SNAPC4: variants seen among roughly 807,000 people sequenced by gnomAD.
The protein encoded by SNAPC4 is small nuclear RNA activating complex polypeptide 4, also known as snRNA-activating protein complex subunit 4.
A neutral mutation model predicts 151.3 loss-of-function variants in SNAPC4; 127 were observed. The ratio of observed to expected loss-of-function variants is 0.84; its 90% CI spans 0.73 to 0.97. The LOEUF is 0.97. Ranked by LOEUF, SNAPC4 falls within the 50% of genes least tolerant of loss-of-function variation. SNAPC4 has a pLI of 0.00. For synonymous variants in SNAPC4, 1,002 were observed against 824.4 expected, an observed-to-expected ratio of 1.22 and a Z score of -3.69; for missense variants, 2,186 against 1,935.0, an observed-to-expected ratio of 1.13 and a Z score of -2.43.
In SNAPC4 at chr9:136,392,671, A is replaced by C. The variant is rs1335114194; in HGVS notation, c.737+2T>G. ...TGGGCCCTCCCGGGAGGCCCCCCTC[A>C]CTTGATGTCCTGGATCTCCTTCTCG... On this transcript the variant is annotated splice_donor_variant, in intron 8 of 23. Transcript: ENST00000684778. LOFTEE classifies it high-confidence loss of function. The C allele has an allele frequency of 4.3e-6, 7 of 1,613,380 alleles. No homozygotes were observed. Among genetic ancestry groups the C allele is most frequent in the African/African-American group, 1.3e-5 (1 of 74,962 alleles).
At chr9:136,387,293 G>A (rs1485019083) in intron 13 of SNAPC4, among the ~76,000 whole-genome samples, 192 bp downstream of exon 13, 1 of 152,218 alleles carries the variant, frequency 6.6e-6, no homozygotes, top group Non-Finnish European at 1.5e-5. Context: ...GGAAAACACA[G>A]CTCAGCCGGG....
intron 3 of SNAPC4, among the ~76,000 whole-genome samples, chr9:136,396,220 C>T (rs893834585): frequency 6.6e-6 from 1 of 152,248 alleles, no homozygotes; most frequent in Admixed American, 6.5e-5. Flanking sequence ...AGGTGAGGTG[C>T]CCACAGGCTA....
Position 136,383,520 on chromosome 9 carries a change from G to A in SNAPC4, c.1649C>T (p.Ala550Val), listed in dbSNP as rs758759752. 1.4e-5 allele frequency: 23 copies of A among 1,590,028 alleles called. No homozygotes were observed. In the East Asian group the frequency reaches 3.0e-4, roughly 21 times the overall value. Reference sequence around the variant, plus strand: ...CGCTCTGTCACCCTCCCCGGCCTGCGCCTGCTCTGGCTCGTCCTCCTCGCT... The same window carrying A: ...CGCTCTGTCACCCTCCCCGGCCTGCACCTGCTCTGGCTCGTCCTCCTCGCT... ...SSSEEDEPEQAQAGEGDRALL... is the reference protein window; with the variant it reads ...SSSEEDEPEQVQAGEGDRALL... Residue 550 changes from alanine (A) to valine (V), a missense_variant, in exon 16 of 24, where the codon GCG becomes GTG. Coordinates refer to ENST00000684778, the MANE Select transcript of SNAPC4 (RefSeq NM_003086.4). The surrounding 1 kb of genome is among the most constrained non-coding windows in gnomAD (Gnocchi z 4.2).
chr9:136,395,900 A>G, intron 3 of SNAPC4, 130 bp from the exon 4 acceptor site: 1 of 900,534 alleles, frequency 1.1e-6, no homozygotes, highest in Non-Finnish European at 1.7e-6. Context: ...CCCAATGTGG[A>G]AGCAGGAAGT....
At chr9:136,396,243 C>A (rs1240082317) in intron 3 of SNAPC4, among the ~76,000 whole-genome samples, 1 of 152,244 alleles carries the variant, frequency 6.6e-6, no homozygotes, top group African/African-American at 2.4e-5. Flanking sequence ...GCAGGGTGCT[C>A]ACTCACAGAA....
In SNAPC4 at chr9:136,395,398, C is replaced by A. The variant is rs1174837891; in HGVS notation, c.371G>T (p.Gly124Val). ...QQEELMRDLA[G>V]SKGTKVKDGK... ...ATCTTTCACCTTGGTGCCTTTGGAC[C>A]CAGCCAGATCCCTCATGAGTTCCTC... The change falls in exon 5 of 24, where the codon GGG (glycine) becomes GTG (valine). Residue 124 changes from glycine to valine, a missense_variant. Coordinates refer to ENST00000684778, the MANE Select transcript of SNAPC4 (RefSeq NM_003086.4). 3.1e-6 allele frequency: 5 copies of A among 1,613,196 alleles called. No homozygotes were observed. The South Asian group carries it at 5.5e-5, about 18-fold the overall frequency.
intron 21 of SNAPC4, among the ~76,000 whole-genome samples, 182 bp downstream of exon 21, chr9:136,379,655 G>A (rs1451210013): frequency 1.3e-5 from 2 of 152,216 alleles, no homozygotes. Context: ...GGAGCCCAGG[G>A]AGCTCCAAGC....
intron 9 of SNAPC4, among the ~76,000 whole-genome samples, 199 bp from the exon 10 acceptor site, chr9:136,392,305 GAC>G (rs1186123354): frequency 1.3e-5 from 2 of 152,152 alleles, no homozygotes; most frequent in Non-Finnish European, 2.9e-5. Context: ...GAGCCCTCCA[GAC>G]CATCTCAGAA....
chr9:136,392,417 C>A (rs1294239707), intron 9 of SNAPC4, 105 bp downstream of exon 9: 1 of 1,154,648 alleles, frequency 8.7e-7, no homozygotes, highest in African/African-American at 1.5e-5. Flanking sequence ...ACAGCAGAAC[C>A]TGTTGCCAGG....
At chr9:136,387,616 C>T (rs1413387577) in intron 12 of SNAPC4, 37 bp from the exon 13 acceptor site, 1 of 1,528,118 alleles carries the variant, frequency 6.5e-7, no homozygotes, top group South Asian at 1.1e-5. Flanking sequence ...GAAGCCTCTG[C>T]AGGTACGGCT....
intron 20 of SNAPC4, among the ~76,000 whole-genome samples, chr9:136,380,137 G>GGTCACACA (rs1833634610): frequency 1.3e-5 from 2 of 152,198 alleles, no homozygotes. Context: ...CTCCTGAACC[G>GGTCACACA]CAGGCTGCTG....
chr9:136,397,875 A>G (rs1834329866), intron 2 of SNAPC4, among the ~76,000 whole-genome samples: 1 of 151,800 alleles, frequency 6.6e-6, no homozygotes, highest in South Asian at 2.1e-4. Context: ...AGGATGGTCC[A>G]CTCCAGAAGC....
intron 7 of SNAPC4, 37 bp downstream of exon 7, chr9:136,394,212 C>T (rs773236418): frequency 3.2e-6 from 5 of 1,549,000 alleles, no homozygotes; most frequent in South Asian, 2.2e-5. Flanking sequence ...CTATGCCCAG[C>T]CTGAAGACCG....
intron 7 of SNAPC4, 47 bp downstream of exon 7, chr9:136,394,202 C>T (rs749732794): frequency 6.8e-7 from 1 of 1,466,554 alleles, no homozygotes; most frequent in African/African-American, 1.4e-5. Flanking sequence ...GGCATGAGCC[C>T]TATGCCCAGC....
At position 136,383,893 on chromosome 9, in the gene SNAPC4, G is replaced by C. The variant is rs1223648558; in HGVS notation, c.1500+60C>G. On this transcript the variant is annotated intron_variant, in intron 15 of 23. Coordinates refer to ENST00000684778, the MANE Select transcript of SNAPC4 (RefSeq NM_003086.4). The surrounding 1 kb of genome is among the most constrained non-coding windows in gnomAD (Gnocchi z 4.2). ...TCCCCTCCCCTCCTCCTGCCTGCTG[G>C]ACCCCCCAGTTGACCAGGCCATTGT... 2.0e-6 allele frequency: 3 copies of C among 1,493,796 alleles called. No individual in the cohort carries two copies. Among genetic ancestry groups the C allele is most frequent in the Admixed American group, 1.7e-5 (1 of 59,564 alleles). The allele number at this position is 1,493,796 out of a possible 1,614,324, so 92.5% of individuals were successfully genotyped here.
chr9:136,398,229 T>C (rs1226410343), intron 2 of SNAPC4, 70 bp downstream of exon 2: 3 of 1,530,192 alleles, frequency 2.0e-6, no homozygotes, highest in Non-Finnish European at 2.7e-6. Flanking sequence ...CTAATGTGCC[T>C]GAGAGGAACC....
chr9:136,383,594 G>C lies in SNAPC4; in HGVS notation c.1575C>G (p.Gly525=). The C allele has an allele frequency of 6.2e-7, 1 of 1,611,588 alleles. No individual in the cohort carries two copies. The highest frequency in any genetic ancestry group is 1.3e-5 in the African/African-American group (1 of 75,034). Residue 525 remains glycine (G), a synonymous_variant, in exon 16 of 24, where the codon GGC becomes GGG. Coordinates refer to ENST00000684778, the MANE Select transcript of SNAPC4 (RefSeq NM_003086.4). This position sits in a 1 kb window ranked among gnomAD's most constrained non-coding sequence, Gnocchi z 4.2. The part of the protein sequence containing the change: ...SVRWSSTSSS[G]SSSGSSGGSS... The stretch of plus-strand genomic sequence containing the variant: ...TCCCTCCACTGCTGCCACTGCTGCT[G>C]CCGCTGCTGCTGGTAGAGCTCCACC...
Position 136,376,480 on chromosome 9 carries a change from C to T in SNAPC4, c.4286G>A (p.Gly1429Glu). The T allele has an allele frequency of 6.2e-7, 1 of 1,613,044 alleles. No homozygotes were observed. The highest frequency in any genetic ancestry group is 8.5e-7 in the Non-Finnish European group (1 of 1,179,758). The change falls in exon 23 of 24, where the codon GGA (glycine) becomes GAA (glutamate). Residue 1429 changes from glycine to glutamate, a missense_variant and splice_region_variant. Transcript: ENST00000684778. ...GCTTATCPIQ[G>E]APDSGKCSAS... ...AGAGCATTTACCAGAGTCTGGGGCT[C>T]CCTGAAAGAAAATCCAGGCAGTGGG...
In SNAPC4 at chr9:136,384,036, C is replaced by A. The variant is rs1588749470; in HGVS notation, c.1421-4G>T. 2 of 1,612,888 alleles carry A rather than the reference C, an allele frequency of 1.2e-6. No homozygotes were observed. Among genetic ancestry groups the A allele is most frequent in the African/African-American group, 2.7e-5 (2 of 74,896 alleles). On this transcript the variant is annotated splice_region_variant and splice_polypyrimidine_tract_variant and intron_variant, in intron 14 of 23. Transcript: ENST00000684778. Reference sequence around the variant, plus strand: ...GAAGCTATTTTTGCCCAGTGACCTGCAAAAGCCAAACCCCATGGAAATGCC... The same window carrying A: ...GAAGCTATTTTTGCCCAGTGACCTGAAAAAGCCAAACCCCATGGAAATGCC...
Sources: gnomAD v4.1 joint callset for allele counts (sites outside exome capture counted in the v4.1 genomes callset) on GRCh38, gnomAD v4.1.1 for gene constraint, Gnocchi (gnomAD v3.1) non-coding constraint, MANE v1.5 for transcripts, NCBI Gene and HGNC (gene_info 2026-07-23, HGNC 2026-07-21) for gene names.